Variants in TSEN2 observed in about 807,000 individuals in gnomAD.
TSEN2 encodes tRNA splicing endonuclease subunit 2.
A neutral mutation model predicts 59.2 loss-of-function variants in TSEN2; 54 were observed. The ratio of observed to expected loss-of-function variants is 0.91; its 90% CI spans 0.73 to 1.14. The LOEUF is 1.14. Among genes scored for constraint, TSEN2 ranks in the 50% most tolerant of loss-of-function variants. The pLI, the probability that TSEN2 is intolerant of heterozygous loss-of-function variation, is 0.00. For missense variants in TSEN2, 636 were observed against 576.2 expected, an observed-to-expected ratio of 1.10 and a Z score of -1.06; for synonymous variants, 195 against 198.2, an observed-to-expected ratio of 0.98 and a Z score of 0.14.
At chr3:12,485,950 A>AATAT (rs889468006) in intron 1 of TSEN2, among the ~76,000 whole-genome samples, 1 of 150,242 alleles carries the variant, frequency 6.7e-6, no homozygotes, top group Non-Finnish European at 1.5e-5. Flanking sequence ...GAAATTTAAA[A>AATAT]ATATATATAT....
intron 8 of TSEN2, among the ~76,000 whole-genome samples, chr3:12,522,901 A>T (rs2056765026): frequency 1.3e-5 from 2 of 152,176 alleles, no homozygotes; most frequent in Admixed American, 1.3e-4. Flanking sequence ...CCTACTCAGC[A>T]GCTCCCCTGG....
rs1322683577 is a variant in TSEN2 at position 12,492,163 on chromosome 3, A to T, written c.217A>T (p.Arg73Ter). The part of the protein sequence containing the change: ...KGYFGKGILS[R>*]SRPSFTISDP... ...TTATTTTGGAAAAGGTATTCTTTCAAGAAGCCGTCCAAGCTTCACAATTTC... is the reference window on the plus strand; with the variant it reads ...TTATTTTGGAAAAGGTATTCTTTCATGAAGCCGTCCAAGCTTCACAATTTC... The change falls in exon 3 of 12, where the codon AGA (arginine) becomes TGA (stop). Residue 73 changes from arginine to a stop codon, truncating the protein, a stop_gained. Coordinates refer to ENST00000284995, the MANE Select transcript of TSEN2 (RefSeq NM_025265.4). LOFTEE classifies it high-confidence loss of function. 7 of 1,614,168 alleles carry T rather than the reference A, an allele frequency of 4.3e-6. No homozygotes were observed. The highest frequency in any genetic ancestry group is 5.9e-6 in the Non-Finnish European group (7 of 1,179,996).
At chr3:12,513,057 A>T (rs2055655444) in intron 6 of TSEN2, among the ~76,000 whole-genome samples, 1 of 152,212 alleles carries the variant, frequency 6.6e-6, no homozygotes, top group South Asian at 2.1e-4. Context: ...TTAATTTTAA[A>T]TAAAACCAAC....
chr3:12,527,159 G>C (rs1025251049), intron 8 of TSEN2, among the ~76,000 whole-genome samples: 17 of 152,328 alleles, frequency 1.1e-4, no homozygotes, highest in African/African-American at 3.6e-4. Context: ...ACTTACATTT[G>C]TGCCTCAGTG....
chr3:12,500,303 G>C (rs2054168985), intron 4 of TSEN2, among the ~76,000 whole-genome samples: 1 of 152,208 alleles, frequency 6.6e-6, no homozygotes, highest in Non-Finnish European at 1.5e-5. Flanking sequence ...ATTTGTTTGT[G>C]TGGCTCTTTT....
chr3:12,518,431 C>A (rs1211993538), intron 7 of TSEN2, among the ~76,000 whole-genome samples: 1 of 152,142 alleles, frequency 6.6e-6, no homozygotes, highest in Non-Finnish European at 1.5e-5. Flanking sequence ...CTTCCTCTGC[C>A]TGGAATGTCC....
At chr3:12,523,685 G>A (rs985572814) in intron 8 of TSEN2, among the ~76,000 whole-genome samples, 5 of 151,404 alleles carry the variant, frequency 3.3e-5, no homozygotes, top group Non-Finnish European at 5.9e-5. Context: ...GATTACAGGC[G>A]CACACCACCA....
chr3:12,534,127 G>A (rs1170807856), downstream of TSEN2, among the ~76,000 whole-genome samples: 2 of 152,306 alleles, frequency 1.3e-5, no homozygotes, highest in Non-Finnish European at 2.9e-5. Context: ...GGTGGTGGTG[G>A]TGGTTAACAA....
Position 12,506,741 on chromosome 3 carries a change from T to C in TSEN2, c.909+1510T>C, listed in dbSNP as rs371316922. ...GAAATGTCTTTTCTGCCTTTGAAGC[T>C]AGGACCGCTTCTTGGGCTCCCCTCT... On this transcript the variant is annotated intron_variant, in intron 6 of 11. Coordinates refer to ENST00000284995, the MANE Select transcript of TSEN2 (RefSeq NM_025265.4). 5 of 985,390 alleles carry C rather than the reference T, an allele frequency of 5.1e-6. No individual in the cohort carries two copies. In the South Asian group the frequency reaches 1.9e-4, roughly 37 times the overall value. The allele number at this position is 985,390 out of a possible 1,614,324, so 61.0% of individuals were successfully genotyped here.
intron 6 of TSEN2, among the ~76,000 whole-genome samples, chr3:12,508,523 T>C (rs1391122162): frequency 6.6e-6 from 1 of 152,208 alleles, no homozygotes; most frequent in African/African-American, 2.4e-5. Flanking sequence ...GTCTCACCCC[T>C]GCTGTGGTGA....
chr3:12,489,752 G>A (rs1559272774), intron 1 of TSEN2, 32 bp from the exon 2 acceptor site: 1 of 1,585,170 alleles, frequency 6.3e-7, no homozygotes, highest in South Asian at 1.1e-5. Flanking sequence ...TTGATTGTCT[G>A]TTTCTTTCTG....
Position 12,531,675 on chromosome 3 carries a change from G to C in TSEN2, c.1338+16G>C, listed in dbSNP as rs750184314. 1.3e-6 allele frequency: 2 copies of C among 1,495,562 alleles called. No homozygotes were observed. Among genetic ancestry groups the C allele is most frequent in the Middle Eastern group, 1.7e-4 (1 of 5,854 alleles). The allele number at this position is 1,495,562 out of a possible 1,614,324, so 92.6% of individuals were successfully genotyped here. A position where few individuals can be genotyped will look rare whatever the true frequency, so the allele number is the denominator to read the frequency against. On this transcript the variant is annotated intron_variant, in intron 11 of 11. Transcript: ENST00000284995. ...TAAAGTTCAGGTGGGTAAACTCAGAGAAATTCATGTCATCCCAAAGATTCT... is the reference window on the plus strand; with the variant it reads ...TAAAGTTCAGGTGGGTAAACTCAGACAAATTCATGTCATCCCAAAGATTCT...
intron 7 of TSEN2, among the ~76,000 whole-genome samples, chr3:12,518,356 A>G (rs2056330747): frequency 6.6e-6 from 1 of 152,200 alleles, no homozygotes; most frequent in Non-Finnish European, 1.5e-5. Flanking sequence ...GGGTCTGTGA[A>G]ATGTTGTCAC....
chr3:12,526,823 C>T (rs1444547283), intron 8 of TSEN2, among the ~76,000 whole-genome samples: 2 of 152,222 alleles, frequency 1.3e-5, no homozygotes. Flanking sequence ...TGTCGGAGCC[C>T]ATCATCAGAA....
Position 12,503,351 on chromosome 3 carries a change from C to G in TSEN2, c.398C>G (p.Thr133Arg). 6.2e-7 allele frequency: 1 copy of G among 1,614,180 alleles called. No individual in the cohort carries two copies. Among genetic ancestry groups the G allele is most frequent in the Non-Finnish European group, 8.5e-7 (1 of 1,180,044 alleles). Residue 133 changes from threonine to arginine, a missense_variant, in exon 5 of 12, where the codon ACG becomes AGG. Physicochemically the swap from Thr to Arg is moderately conservative, Grantham distance 71. Coordinates refer to ENST00000284995, the MANE Select transcript of TSEN2 (RefSeq NM_025265.4). ...STVRRILKDY[T>R]KPLEHPPVKR... The stretch of plus-strand genomic sequence containing the variant: ...GTGCGCAGAATCCTCAAGGATTACA[C>G]GAAACCGCTTGAGCATCCTCCTGTG...
intron 10 of TSEN2, chr3:12,530,735 A>AT: frequency 1.0e-6 from 1 of 985,374 alleles, no homozygotes; most frequent in South Asian, 4.7e-5. Flanking sequence ...TTTTATGCCC[A>AT]TTTTAGGGGA....
chr3:12,480,591 C>T (rs760614391), upstream of TSEN2, among the ~76,000 whole-genome samples: 7 of 126,328 alleles, frequency 5.5e-5, no homozygotes, highest in East Asian at 2.3e-4. Context: ...AGTGTAGTGG[C>T]GCAATCTCCG....
intron 5 of TSEN2, 125 bp downstream of exon 5, chr3:12,503,909 C>T (rs1164288157): frequency 7.9e-7 from 1 of 1,265,276 alleles, no homozygotes. Flanking sequence ...AAGCAGCAGG[C>T]TTTGGGCCAC....
chr3:12,527,795 T>G (rs1291832205), intron 8 of TSEN2, among the ~76,000 whole-genome samples: 2 of 152,166 alleles, frequency 1.3e-5, no homozygotes, highest in Non-Finnish European at 2.9e-5. Context: ...AGCACACAGC[T>G]TCCAAGGTCA....
Sources: allele counts gnomAD v4.1 joint callset (sites outside exome capture counted in the v4.1 genomes callset), GRCh38; gene constraint gnomAD v4.1.1; transcripts MANE v1.5; gene names NCBI Gene and HGNC (gene_info 2026-07-23, HGNC 2026-07-21).